Variants in MSI2 observed in about 807,000 individuals in gnomAD.
The protein encoded by MSI2 is RNA-binding protein Musashi homolog 2.
In MSI2, 17 loss-of-function variants were observed where a neutral mutation model predicts 45.6. That is an observed-to-expected ratio of 0.37 (90% CI 0.26 to 0.56). The LOEUF is 0.56. Ranked by LOEUF, MSI2 falls within the 20% of genes least tolerant of loss-of-function variation. The probability of loss-of-function intolerance (pLI) is 0.77; values close to 1 mark genes in which losing one functional copy is unlikely to be tolerated. For missense variants in MSI2, 293 were observed against 444.2 expected, an observed-to-expected ratio of 0.66 and a Z score of 3.06; for synonymous variants, 156 against 158.2, an observed-to-expected ratio of 0.99 and a Z score of 0.11.
chr17:57,282,752 T>G (rs1325269954), intron 5 of MSI2, among the ~76,000 whole-genome samples: 1 of 150,982 alleles, frequency 6.6e-6, no homozygotes, highest in Non-Finnish European at 1.5e-5. Context: ...AATTGAGTCT[T>G]TTACCTCCGT....
At chr17:57,676,215 TACAC>T (rs1205038911) in intron 12 of MSI2, among the ~76,000 whole-genome samples, 5 of 152,322 alleles carry the variant, frequency 3.3e-5, no homozygotes, top group African/African-American at 1.2e-4. Context: ...TCCTCCCTCA[TACAC>T]ACACTCACAC....
At chr17:57,498,098 C>T (rs1323180333) in intron 6 of MSI2, among the ~76,000 whole-genome samples, 1 of 152,180 alleles carries the variant, frequency 6.6e-6, no homozygotes, top group East Asian at 1.9e-4. Flanking sequence ...CAGATCTGGT[C>T]CTAGTAGCTG....
intron 11 of MSI2, among the ~76,000 whole-genome samples, chr17:57,663,322 T>TA (rs1338361552): frequency 6.6e-6 from 1 of 152,186 alleles, no homozygotes; most frequent in Non-Finnish European, 1.5e-5. Context: ...AAGCTAAAAA[T>TA]AAAGGGGCCC....
intron 5 of MSI2, among the ~76,000 whole-genome samples, chr17:57,318,607 T>G (rs1388861016): frequency 6.6e-6 from 1 of 151,718 alleles, no homozygotes; most frequent in Non-Finnish European, 1.5e-5. Context: ...TGCTGGGACC[T>G]TCTGTGTGAA....
At chr17:57,509,350 T>A (rs1471528189) in intron 6 of MSI2, among the ~76,000 whole-genome samples, 1 of 152,166 alleles carries the variant, frequency 6.6e-6, no homozygotes, top group Middle Eastern at 3.2e-3. Context: ...TTGTGTGCGT[T>A]ATGCCGCCCA....
chr17:57,291,164 A>G (rs749655118), intron 5 of MSI2, among the ~76,000 whole-genome samples: 2 of 152,200 alleles, frequency 1.3e-5, no homozygotes, highest in Non-Finnish European at 2.9e-5. Flanking sequence ...TTCAGCGGGT[A>G]ACTGGTATGT....
At chr17:57,295,337 C>T (rs1464578066) in intron 5 of MSI2, among the ~76,000 whole-genome samples, 1 of 152,130 alleles carries the variant, frequency 6.6e-6, no homozygotes, top group Non-Finnish European at 1.5e-5. Context: ...GCTGGTGAGT[C>T]ATCAGGCTCC....
At chr17:57,412,660 G>A (rs12603559) in intron 6 of MSI2, among the ~76,000 whole-genome samples, 80,878 of 152,058 alleles carry the variant, frequency 0.53, 22,506 homozygotes, top group South Asian at 0.72. Flanking sequence ...ATGCTATCAC[G>A]ATGACAGCCA....
intron 5 of MSI2, among the ~76,000 whole-genome samples, chr17:57,349,972 C>A (rs999978344): frequency 1.3e-5 from 2 of 152,190 alleles, no homozygotes; most frequent in Non-Finnish European, 1.5e-5. Context: ...ATACATCCTC[C>A]TTTGCTGCCC....
intron 6 of MSI2, among the ~76,000 whole-genome samples, chr17:57,420,548 G>A (rs1023967176): frequency 5.3e-5 from 8 of 152,120 alleles, no homozygotes; most frequent in East Asian, 1.9e-4. Context: ...CGAGGGAGTC[G>A]GCGCAGAGCT....
intron 6 of MSI2, among the ~76,000 whole-genome samples, chr17:57,417,128 C>T (rs965410407): frequency 1.3e-5 from 2 of 152,214 alleles, no homozygotes; most frequent in Non-Finnish European, 2.9e-5. Context: ...GCTGACTCGG[C>T]TGTTCCCTAT....
At chr17:57,293,384 G>A (rs1336953912) in intron 5 of MSI2, among the ~76,000 whole-genome samples, 1 of 152,130 alleles carries the variant, frequency 6.6e-6, no homozygotes, top group Non-Finnish European at 1.5e-5. Context: ...GTCAGGTTGA[G>A]GCCTGCTCTG....
intron 6 of MSI2, among the ~76,000 whole-genome samples, chr17:57,425,837 A>G (rs2084480901): frequency 6.6e-6 from 1 of 152,258 alleles, no homozygotes. Context: ...ACTGCCCCAC[A>G]GGGAGGTTGT....
intron 5 of MSI2, among the ~76,000 whole-genome samples, chr17:57,308,749 G>T (rs1025187508): frequency 2.6e-5 from 4 of 152,150 alleles, no homozygotes; most frequent in African/African-American, 9.7e-5. Context: ...ATCCCTGAGA[G>T]TCTTCTCAGA....
chr17:57,583,391 A>G (rs1598422591), intron 7 of MSI2, among the ~76,000 whole-genome samples: 1 of 152,034 alleles, frequency 6.6e-6, no homozygotes, highest in South Asian at 2.1e-4. Context: ...CACTGGGATT[A>G]TTCAGTCATA....
chr17:57,256,775 C>T lies in MSI2; in HGVS notation c.33C>T (p.Gly11=), dbSNP rs1026124784. The T allele has an allele frequency of 6.8e-7, 1 of 1,478,580 alleles. No individual in the cohort carries two copies. Among genetic ancestry groups the T allele is most frequent in the African/African-American group, 1.5e-5 (1 of 67,742 alleles). 91.6% of individuals were successfully genotyped at this position (1,478,580 alleles called of 1,614,324 possible). A position where few individuals can be genotyped will look rare whatever the true frequency, so the allele number is the denominator to read the frequency against. Residue 11 remains glycine, a synonymous_variant, in exon 1 of 14, where the codon GGC becomes GGT. Transcript: ENST00000284073. MEANGSQGTS[G]SANDSQHDPG... is the part of the protein sequence containing the mutation. ...CAAATGGGAGCCAAGGCACCTCGGG[C>T]AGCGCCAACGACTCCCAGCACGACC...
chr17:57,535,966 T>C (rs2086911706), intron 7 of MSI2, among the ~76,000 whole-genome samples: 1 of 152,216 alleles, frequency 6.6e-6, no homozygotes, highest in Admixed American at 6.5e-5. Context: ...CCTTAATGTT[T>C]TGAATACCTG....
chr17:57,484,676 T>C (rs1211844701), intron 6 of MSI2, among the ~76,000 whole-genome samples: 1 of 152,202 alleles, frequency 6.6e-6, no homozygotes, highest in African/African-American at 2.4e-5. Context: ...GCTGAGTGCT[T>C]GGACCCTCTG....
intron 5 of MSI2, among the ~76,000 whole-genome samples, chr17:57,312,769 C>CTT (rs1912504862): frequency 1.3e-5 from 2 of 152,122 alleles, no homozygotes; most frequent in South Asian, 4.1e-4. Flanking sequence ...TGTTTTGGAT[C>CTT]TTTCTTCCTT....
Sources: allele counts gnomAD v4.1 joint callset (sites outside exome capture counted in the v4.1 genomes callset), GRCh38; gene constraint gnomAD v4.1.1; transcripts MANE v1.5; gene names NCBI Gene and HGNC (gene_info 2026-07-23, HGNC 2026-07-21).